Variants in ASS1 observed in about 807,000 individuals in gnomAD.
The protein encoded by ASS1 is argininosuccinate synthase 1, also known as argininosuccinate synthase.
In ASS1, 58 loss-of-function variants were observed where a neutral mutation model predicts 60.5. The observed-to-expected ratio is 0.96, with a 90% CI of 0.78 to 1.19. ASS1 has a LOEUF of 1.19. Ranked by LOEUF, ASS1 falls within the 50% of genes most tolerant of loss-of-function variation. The pLI is 0.00. For synonymous variants in ASS1, 200 were observed against 206.9 expected (o/e 0.97, Z 0.29); for missense variants, 454 against 547.3 (o/e 0.83, Z 1.70).
Position 130,476,960 on chromosome 9 carries a change from A to G in ASS1, c.687A>G (p.Lys229=), listed in dbSNP as rs750947418. 86 of 1,613,780 alleles carry G rather than the reference A, an allele frequency of 5.3e-5. No individual in the cohort carries two copies. Among genetic ancestry groups the G allele is most frequent in the Non-Finnish European group, 7.2e-5 (85 of 1,179,710 alleles). ...TPDILEIEFK[K]GVPVKVTNVK... ...ACATTCTCGAGATCGAGTTCAAAAA[A>G]GGTATGTGCCCACCTGTTGGGACTC... Residue 229 remains lysine, a splice_region_variant and synonymous_variant, in exon 9 of 15, where the codon AAA becomes AAG. Coordinates refer to ENST00000352480, the MANE Select transcript of ASS1 (RefSeq NM_054012.4). The surrounding 1 kb of genome is among the most constrained non-coding windows in gnomAD (Gnocchi z 4.9).
chr9:130,489,239 A>AT lies in ASS1; in HGVS notation c.839-92dup. The AT allele has an allele frequency of 3.5e-6, 5 of 1,436,108 alleles. No individual in the cohort carries two copies. Among genetic ancestry groups the AT allele is most frequent in the Non-Finnish European group, 4.8e-6 (5 of 1,035,478 alleles). 89.0% of individuals were successfully genotyped at this position (1,436,108 alleles called of 1,614,324 possible). A position where few individuals can be genotyped will look rare whatever the true frequency, so the allele number is the denominator to read the frequency against. On this transcript the variant is annotated intron_variant, in intron 11 of 14. Coordinates refer to ENST00000352480, the MANE Select transcript of ASS1 (RefSeq NM_054012.4). The surrounding 1 kb of genome is among the most constrained non-coding windows in gnomAD (Gnocchi z 4.1). ...GTCTCCTGTCAGACGACTCATTATTATTATTATTTTTTTTTTTGTCATTTG... is the reference window on the plus strand; with the variant it reads ...GTCTCCTGTCAGACGACTCATTATTATTTATTATTTTTTTTTTTGTCATTTG...
At chr9:130,474,084 C>T (rs1156283526) in intron 8 of ASS1, among the ~76,000 whole-genome samples, 2 of 111,940 alleles carry the variant, frequency 1.8e-5, no homozygotes, top group Non-Finnish European at 3.5e-5. Flanking sequence ...CCACAGATGA[C>T]ATTGGAAGTG....
At position 130,476,495 on chromosome 9, in the gene ASS1, TC is replaced by T. The variant is rs1846022294; in HGVS notation, c.598-373del. 2.5e-6 allele frequency: 1 copy of T among 393,108 alleles called. No individual in the cohort carries two copies. Among genetic ancestry groups the T allele is most frequent in the Non-Finnish European group, 4.8e-6 (1 of 207,604 alleles). 24.4% of individuals were successfully genotyped at this position (393,108 alleles called of 1,614,324 possible). A position where few individuals can be genotyped will look rare whatever the true frequency, so the allele number is the denominator to read the frequency against. On this transcript the variant is annotated intron_variant, in intron 8 of 14. Coordinates refer to ENST00000352480, the MANE Select transcript of ASS1 (RefSeq NM_054012.4). The surrounding 1 kb of genome is among the most constrained non-coding windows in gnomAD (Gnocchi z 4.9). ...GCGGTCAGTGCAGAATAAACCCCAA[TC>T]CCGAGCCGGCGAGAGCGTGCGTGCC...
intron 14 of ASS1, 93 bp downstream of exon 14, chr9:130,499,663 G>A: frequency 3.0e-6 from 4 of 1,342,196 alleles, no homozygotes; most frequent in Non-Finnish European, 4.2e-6. Flanking sequence ...AGGCTTTGAT[G>A]CGACCTTGAC....
At chr9:130,469,153 A>G (rs1219713944) in intron 6 of ASS1, among the ~76,000 whole-genome samples, 2 of 152,206 alleles carry the variant, frequency 1.3e-5, no homozygotes, top group African/African-American at 4.8e-5. Flanking sequence ...GTGAGGAGCG[A>G]GGACGGAGCC....
At chr9:130,499,765 G>A (rs566207407) in intron 14 of ASS1, among the ~76,000 whole-genome samples, 195 bp downstream of exon 14, 43 of 152,264 alleles carry the variant, frequency 2.8e-4, no homozygotes, top group Admixed American at 5.9e-4. Flanking sequence ...TTTGATAGCC[G>A]ACAGTAACAG....
chr9:130,474,619 T>G (rs1845971598), intron 8 of ASS1, among the ~76,000 whole-genome samples: 1 of 152,174 alleles, frequency 6.6e-6, no homozygotes, highest in Non-Finnish European at 1.5e-5. Context: ...TTTACCTTTT[T>G]GCTGAGGATG....
chr9:130,489,160 A>G lies in ASS1; in HGVS notation c.839-173A>G, dbSNP rs1489546329. 1.3e-5 allele frequency among the ~76,000 whole-genome samples: 2 copies of G among 152,106 alleles called. No homozygotes were observed. The highest frequency in any genetic ancestry group is 2.4e-5 in the African/African-American group (1 of 41,412). On this transcript the variant is annotated intron_variant, in intron 11 of 14. Coordinates refer to ENST00000352480, the MANE Select transcript of ASS1 (RefSeq NM_054012.4). The surrounding 1 kb of genome is among the most constrained non-coding windows in gnomAD (Gnocchi z 4.1). ...GGACTGTCGTGGCCCCAGCATGAACATAATGACAGATGCATTTTGCAGCAA... is the reference window on the plus strand; with the variant it reads ...GGACTGTCGTGGCCCCAGCATGAACGTAATGACAGATGCATTTTGCAGCAA...
intron 3 of ASS1, among the ~76,000 whole-genome samples, chr9:130,457,997 A>C (rs746808444): frequency 6.6e-6 from 1 of 152,048 alleles, no homozygotes; most frequent in Non-Finnish European, 1.5e-5. Flanking sequence ...CGTCTCTACC[A>C]AAAATACAAA....
At chr9:130,475,999 T>C (rs1009122827) in intron 8 of ASS1, among the ~76,000 whole-genome samples, 2 of 152,106 alleles carry the variant, frequency 1.3e-5, no homozygotes, top group Non-Finnish European at 2.9e-5. Flanking sequence ...GCTCAGGCAG[T>C]CCACCCACCT....
rs1289296903 is a variant in ASS1, at chr9:130,489,544, C to T, written c.970+80C>T. 2 of 1,601,342 alleles carry T rather than the reference C, an allele frequency of 1.2e-6. No homozygotes were observed. The highest frequency in any genetic ancestry group is 1.3e-5 in the African/African-American group (1 of 74,788). Reference sequence around the variant, plus strand: ...TACTATCAGGCTCTCGGGCCTGGCCCTCCCCTCCGTATCAGCACCTTCCTC... The same window carrying T: ...TACTATCAGGCTCTCGGGCCTGGCCTTCCCCTCCGTATCAGCACCTTCCTC... On this transcript the variant is annotated intron_variant, in intron 12 of 14. Transcript: ENST00000352480. This position sits in a 1 kb window ranked among gnomAD's most constrained non-coding sequence, Gnocchi z 4.1.
rs767151833 is a variant in ASS1, at chr9:130,476,059, G to A, written c.598-812G>A. 3.3e-5 allele frequency among the ~76,000 whole-genome samples: 5 copies of A among 152,250 alleles called. No homozygotes were observed. The highest frequency in any genetic ancestry group is 2.1e-4 in the South Asian group (1 of 4,812). On this transcript the variant is annotated intron_variant, in intron 8 of 14. Transcript: ENST00000352480. The surrounding 1 kb of genome is among the most constrained non-coding windows in gnomAD (Gnocchi z 4.9). ...CAGGTGTGAGCCACTGTGCCCAGCC[G>A]TCTGCAAGGTTTTTAAAGCAAAGAT...
intron 9 of ASS1, 35 bp from the exon 10 acceptor site, chr9:130,479,681 G>A: frequency 6.4e-7 from 1 of 1,559,254 alleles, no homozygotes; most frequent in Non-Finnish European, 8.8e-7. Flanking sequence ...GCTGAGCCGG[G>A]CCCAGAGGCC....
rs1356827831 is a variant in ASS1, at chr9:130,459,554, C to T, written c.363+965C>T. ...TGAAGCAATTCTCCTGCCTCAGCCT[C>T]CTGAGTAGCTGGGATTACAGGTGTG... On this transcript the variant is annotated intron_variant, in intron 4 of 14. Coordinates refer to ENST00000352480, the MANE Select transcript of ASS1 (RefSeq NM_054012.4). The surrounding 1 kb of genome is among the most constrained non-coding windows in gnomAD (Gnocchi z 4.6). Among the ~76,000 whole-genome samples, 6 of 152,146 alleles carry T rather than the reference C, an allele frequency of 3.9e-5. No homozygotes were observed. The highest frequency in any genetic ancestry group is 1.4e-4 in the African/African-American group (6 of 41,432).
chr9:130,500,934 T>C (rs1846739033), intron 14 of ASS1, 42 bp from the exon 15 acceptor site: 1 of 1,596,502 alleles, frequency 6.3e-7, no homozygotes. Flanking sequence ...TGTGTTGTTA[T>C]TGTTAATTTA....
At chr9:130,479,868 T>C (rs1846124702) in intron 10 of ASS1, 68 bp downstream of exon 10, 2 of 1,493,904 alleles carry the variant, frequency 1.3e-6, no homozygotes, top group Non-Finnish European at 1.9e-6. Context: ...GCCTGGACCG[T>C]TGCAGCTAAT....
At chr9:130,460,234 G>A (rs1328496492) in intron 4 of ASS1, among the ~76,000 whole-genome samples, 2 of 152,152 alleles carry the variant, frequency 1.3e-5, no homozygotes, top group Admixed American at 1.3e-4. Flanking sequence ...GAGGAGACGC[G>A]GTTGATTTGA....
chr9:130,457,502 T>A (rs1440757134), intron 3 of ASS1, among the ~76,000 whole-genome samples: 2 of 152,086 alleles, frequency 1.3e-5, no homozygotes, highest in Non-Finnish European at 2.9e-5. Flanking sequence ...TCACTCAGTG[T>A]CTCCCTGAAA....
At chr9:130,474,679 G>A (rs1257717402) in intron 8 of ASS1, among the ~76,000 whole-genome samples, 1 of 152,256 alleles carries the variant, frequency 6.6e-6, no homozygotes, top group East Asian at 1.9e-4. Flanking sequence ...GGCAGGGTGG[G>A]CCAGCCCTGA....
Sources: allele counts gnomAD v4.1 joint callset (sites outside exome capture counted in the v4.1 genomes callset), GRCh38; gene constraint gnomAD v4.1.1; non-coding constraint Gnocchi (gnomAD v3.1); transcripts MANE v1.5; gene names NCBI Gene and HGNC (gene_info 2026-07-23, HGNC 2026-07-21).